The following PLCB1 variants were observed in gnomAD, a reference collection of about 807,000 sequenced individuals.
The protein encoded by PLCB1 is 1-phosphatidylinositol 4,5-bisphosphate phosphodiesterase beta-1.
In PLCB1, 46 loss-of-function variants were observed where a neutral mutation model predicts 161.8. The ratio of observed to expected loss-of-function variants is 0.28; its 90% confidence interval spans 0.22 to 0.36. The LOEUF (loss-of-function observed/expected upper bound fraction) is 0.36. Among genes scored for constraint, PLCB1 ranks in the 10% least tolerant of loss-of-function variants. The probability of loss-of-function intolerance (pLI) is 1.00; values close to 1 mark genes in which losing one functional copy is unlikely to be tolerated. For synonymous variants in PLCB1, 517 were observed against 503.7 expected (o/e 1.03, Z -0.35); for missense variants, 1,016 against 1,472.5 (o/e 0.69, Z 5.07).
At chr20:8,629,826 TTTCTTTCTTTC>T (rs774180218) in intron 4 of PLCB1, among the ~76,000 whole-genome samples, 843 of 41,990 alleles carry the variant, frequency 0.02, 3 homozygotes, top group Non-Finnish European at 0.027. Context: ...CTTTTCTTTC[TTTCTTTCTTTC>T]TTTCTTTCTT....
intron 2 of PLCB1, among the ~76,000 whole-genome samples, chr20:8,182,784 T>C (rs1326097468): frequency 6.6e-6 from 1 of 151,954 alleles, no homozygotes; most frequent in Non-Finnish European, 1.5e-5. Flanking sequence ...TTTCACCATG[T>C]TGGCCAGGCT....
chr20:8,760,507 C>A, intron 25 of PLCB1, 47 bp downstream of exon 25: 1 of 1,309,588 alleles, frequency 7.6e-7, no homozygotes, highest in Non-Finnish European at 1.1e-6. Context: ...CTCAGTGTTA[C>A]ACAGTGGAAG....
intron 1 of PLCB1, among the ~76,000 whole-genome samples, chr20:8,144,667 T>C (rs990566439): frequency 2.1e-4 from 32 of 152,226 alleles, no homozygotes; most frequent in Non-Finnish European, 7.3e-5. Flanking sequence ...GCTGTATTGC[T>C]CATGTTTAGT....
intron 3 of PLCB1, among the ~76,000 whole-genome samples, chr20:8,502,474 A>T (rs1983465227): frequency 6.6e-6 from 1 of 152,180 alleles, no homozygotes; most frequent in Admixed American, 6.5e-5. Flanking sequence ...ATATGAAGGA[A>T]ATAAAATGCA....
At chr20:8,411,272 G>A (rs1416340701) in intron 3 of PLCB1, among the ~76,000 whole-genome samples, 3 of 152,138 alleles carry the variant, frequency 2.0e-5, no homozygotes, top group African/African-American at 7.2e-5. Context: ...GAATACCTTT[G>A]CATGTTATTA....
chr20:8,409,264 T>G (rs6140613), intron 3 of PLCB1, among the ~76,000 whole-genome samples: 36,831 of 151,890 alleles, frequency 0.24, 4,848 homozygotes, highest in East Asian at 0.4. Context: ...AAGTAGGGTC[T>G]TGATGGAATT....
chr20:8,154,887 C>T (rs2051543697), intron 2 of PLCB1, among the ~76,000 whole-genome samples: 1 of 152,132 alleles, frequency 6.6e-6, no homozygotes, highest in South Asian at 2.1e-4. Context: ...TTATGGGTAA[C>T]AAAAGATGAC....
At chr20:8,777,046 A>G (rs1430353694) in intron 27 of PLCB1, among the ~76,000 whole-genome samples, 1 of 152,128 alleles carries the variant, frequency 6.6e-6, no homozygotes, top group African/African-American at 2.4e-5. Context: ...TTGGCATGCA[A>G]AGACTCTGGG....
chr20:8,733,644 T>TC (rs1555786731), intron 19 of PLCB1, among the ~76,000 whole-genome samples: 4 of 135,676 alleles, frequency 2.9e-5, no homozygotes, highest in African/African-American at 1.1e-4. Context: ...TGTTGTGGGG[T>TC]GGGGGGAGCG....
intron 2 of PLCB1, among the ~76,000 whole-genome samples, chr20:8,291,390 A>G (rs1007798570): frequency 1.3e-5 from 2 of 152,154 alleles, no homozygotes; most frequent in East Asian, 1.9e-4. Flanking sequence ...CAGTGGGGCC[A>G]CTGAAACTGG....
At chr20:8,400,108 T>C (rs919064322) in intron 3 of PLCB1, among the ~76,000 whole-genome samples, 7 of 152,220 alleles carry the variant, frequency 4.6e-5, no homozygotes. Context: ...TTTTCTGACA[T>C]TGTCAACTGC....
intron 3 of PLCB1, chr20:8,372,312 T>C (rs966495730): frequency 2.0e-5 from 3 of 152,176 alleles, no homozygotes; most frequent in African/African-American, 7.2e-5. Context: ...CAAAATTCTT[T>C]CTCTGACATT....
intron 2 of PLCB1, among the ~76,000 whole-genome samples, chr20:8,290,758 C>T (rs566883740): frequency 1.4e-4 from 21 of 152,206 alleles, no homozygotes; most frequent in Admixed American, 1.1e-3. Context: ...AGTTCCCAGC[C>T]GCTTGCCCCT....
intron 2 of PLCB1, among the ~76,000 whole-genome samples, chr20:8,351,216 AT>A (rs1986166875): frequency 1.3e-5 from 2 of 152,144 alleles, no homozygotes. Flanking sequence ...TGACTTTTTT[AT>A]GAAAGTGCAA....
intron 2 of PLCB1, among the ~76,000 whole-genome samples, chr20:8,155,373 T>G (rs908494786): frequency 7.2e-5 from 11 of 152,218 alleles, no homozygotes; most frequent in African/African-American, 2.7e-4. Flanking sequence ...GAGACACCAT[T>G]CTGGATGTTT....
At chr20:8,613,556 A>G (rs981787536) in intron 3 of PLCB1, among the ~76,000 whole-genome samples, 1 of 152,224 alleles carries the variant, frequency 6.6e-6, no homozygotes, top group Non-Finnish European at 1.5e-5. Context: ...ATGTCATAAG[A>G]TTCTTATAAA....
chr20:8,864,508 G>A (rs1281172584), intron 31 of PLCB1, among the ~76,000 whole-genome samples: 1 of 152,206 alleles, frequency 6.6e-6, no homozygotes. Context: ...CACAGTGCTA[G>A]GTTTGCAGAA....
intron 2 of PLCB1, among the ~76,000 whole-genome samples, chr20:8,298,957 G>A (rs1187702712): frequency 1.3e-5 from 2 of 152,030 alleles, no homozygotes; most frequent in Admixed American, 6.6e-5. Flanking sequence ...GTAGGTATTA[G>A]GTTGGTGCAA....
chr20:8,825,690 T>C (rs1471882066), intron 31 of PLCB1, among the ~76,000 whole-genome samples: 4 of 152,248 alleles, frequency 2.6e-5, no homozygotes, highest in South Asian at 2.1e-4. Context: ...GGTAGTGATA[T>C]GATCAGATTT....
Sources: gnomAD v4.1 joint callset for allele counts (sites outside exome capture counted in the v4.1 genomes callset) on GRCh38, gnomAD v4.1.1 for gene constraint, MANE v1.5 for transcripts, NCBI Gene and HGNC (gene_info 2026-07-23, HGNC 2026-07-21) for gene names.